The following TMC7 variants were observed in gnomAD, a reference collection of about 807,000 sequenced individuals.
TMC7 encodes transmembrane channel-like protein 7.
TMC7 carries 54 observed loss-of-function variants against 82.9 expected under a neutral mutation model. That is an observed-to-expected ratio of 0.65 (90% CI 0.52 to 0.82). TMC7 has a LOEUF of 0.82. TMC7 is among the 40% of genes least tolerant of loss of function. The pLI is 0.00. For missense variants in TMC7, 820 were observed against 901.2 expected (o/e 0.91, Z 1.15); for synonymous variants, 350 against 337.9 (o/e 1.04, Z -0.39).
intron 1 of TMC7, among the ~76,000 whole-genome samples, chr16:18,993,042 G>C (rs2038979764): frequency 6.6e-6 from 1 of 152,164 alleles, no homozygotes; most frequent in African/African-American, 2.4e-5. Context: ...GATGCCTCCA[G>C]CTTTGTTCTT....
intron 12 of TMC7, among the ~76,000 whole-genome samples, chr16:19,048,124 T>C (rs1961371103): frequency 6.6e-6 from 1 of 151,810 alleles, no homozygotes. Context: ...TTTTATTTGT[T>C]TGGTTTTTTT....
rs1961908320 is a variant in TMC7 at position 19,059,448 on chromosome 16, G to A, written c.2060G>A (p.Gly687Glu). 1 of 1,614,074 alleles carries A rather than the reference G, an allele frequency of 6.2e-7. No individual in the cohort carries two copies. The highest frequency in any genetic ancestry group is 8.5e-7 in the Non-Finnish European group (1 of 1,180,036). The change falls in exon 15 of 16, where the codon GGA becomes GAA. Residue 687 changes from glycine (G) to glutamate (E), a missense_variant. Physicochemically the swap from Gly to Glu is moderately conservative, Grantham distance 98 (BLOSUM62 -2). This residue lies in a region of TMC7 where 170 missense variants were observed against 231.3 expected (regional missense o/e 0.74). Transcript: ENST00000304381. ...ATGTTTTACTTCATTGCCTTAGCTG[G>A]AGCACACAAACGGGTGGTCATCCAG... ...LIMFYFIALAGAHKRVVIQLR... is the reference protein window; with the variant it reads ...LIMFYFIALAEAHKRVVIQLR...
intron 5 of TMC7, among the ~76,000 whole-genome samples, chr16:19,029,039 T>C (rs1305891816): frequency 6.6e-6 from 1 of 151,690 alleles, no homozygotes; most frequent in Non-Finnish European, 1.5e-5. Flanking sequence ...AGAGTCTTGC[T>C]CTGTCACCCA....
chr16:19,030,152 G>A (rs1960442206), intron 5 of TMC7, 72 bp from the exon 6 acceptor site: 1 of 1,485,970 alleles, frequency 6.7e-7, no homozygotes, highest in Non-Finnish European at 9.1e-7. Context: ...TGTTCCTTGA[G>A]GCAGGGACTA....
At chr16:19,007,077 G>A (rs953979490) in intron 1 of TMC7, among the ~76,000 whole-genome samples, 6 of 151,452 alleles carry the variant, frequency 4.0e-5, no homozygotes, top group Non-Finnish European at 5.9e-5. Flanking sequence ...CGCCTGCCTC[G>A]GCCTCCCAAA....
intron 3 of TMC7, among the ~76,000 whole-genome samples, chr16:19,017,667 GTT>G (rs35738895): frequency 0.035 from 3,914 of 111,114 alleles, 153 homozygotes; most frequent in African/African-American, 0.12. Context: ...TCAAAAAACA[GTT>G]TTTTTTTTTT....
chr16:19,001,546 G>A (rs1030253221), intron 1 of TMC7, among the ~76,000 whole-genome samples: 4 of 152,142 alleles, frequency 2.6e-5, no homozygotes, highest in African/African-American at 9.6e-5. Flanking sequence ...ACTGGGTGTA[G>A]TGGTGCACAC....
chr16:19,033,151 C>A (rs1159376309), intron 6 of TMC7, among the ~76,000 whole-genome samples: 1 of 152,094 alleles, frequency 6.6e-6, no homozygotes, highest in Non-Finnish European at 1.5e-5. Flanking sequence ...CCTCTTTGAG[C>A]CTCATTTTCT....
At chr16:19,057,234 G>A (rs1961817439) in intron 14 of TMC7, among the ~76,000 whole-genome samples, 1 of 152,138 alleles carries the variant, frequency 6.6e-6, no homozygotes. Context: ...TTAGCCCAAT[G>A]CCTGGCTTAT....
intron 8 of TMC7, among the ~76,000 whole-genome samples, chr16:19,040,003 C>T (rs908214199): frequency 6.6e-6 from 1 of 150,390 alleles, no homozygotes; most frequent in Non-Finnish European, 1.5e-5. Flanking sequence ...GTAGTCCCAG[C>T]TACTCGGGAG....
intron 9 of TMC7, among the ~76,000 whole-genome samples, chr16:19,041,222 T>C (rs1960998921): frequency 6.6e-6 from 1 of 151,434 alleles, no homozygotes; most frequent in Admixed American, 6.6e-5. Context: ...GAATGCATAG[T>C]GTAATGATCC....
At chr16:19,025,615 G>A (rs115920892) in intron 5 of TMC7, among the ~76,000 whole-genome samples, 1 of 152,002 alleles carries the variant, frequency 6.6e-6, no homozygotes, top group Non-Finnish European at 1.5e-5. Context: ...GGGAGAGTTT[G>A]TCTCAAAACA....
At chr16:18,991,464 C>A (rs1473904076) in intron 1 of TMC7, among the ~76,000 whole-genome samples, 1 of 152,118 alleles carries the variant, frequency 6.6e-6, no homozygotes, top group Non-Finnish European at 1.5e-5. Context: ...AAAAACAACA[C>A]TCTGCATTTA....
At chr16:18,985,266 A>AG (rs1361823129) in intron 1 of TMC7, among the ~76,000 whole-genome samples, 1 of 152,014 alleles carries the variant, frequency 6.6e-6, no homozygotes, top group Non-Finnish European at 1.5e-5. Flanking sequence ...CAAAAAAAAA[A>AG]AAAGAAACCA....
At chr16:19,016,871 C>T (rs995920454) in intron 3 of TMC7, among the ~76,000 whole-genome samples, 1 of 152,052 alleles carries the variant, frequency 6.6e-6, no homozygotes, top group African/African-American at 2.4e-5. Flanking sequence ...ATTAGACTTC[C>T]CACTAGATCT....
In TMC7 at chr16:18,983,983, G is replaced by T; in HGVS notation, c.-81G>T. On this transcript the variant is annotated 5_prime_UTR_variant, in exon 1 of 16. Coordinates refer to ENST00000304381, the MANE Select transcript of TMC7 (RefSeq NM_024847.4). ...CCGGAACCTGGAATCCCGGCTCCGCGAGGGAAGGCCGGGGAGGCGGCGGCG... is the reference window on the plus strand; with the variant it reads ...CCGGAACCTGGAATCCCGGCTCCGCTAGGGAAGGCCGGGGAGGCGGCGGCG... The T allele has an allele frequency of 7.6e-7, 1 of 1,315,398 alleles. No individual in the cohort carries two copies. The highest frequency in any genetic ancestry group is 3.1e-5 in the East Asian group (1 of 32,012). 81.5% of individuals were successfully genotyped at this position (1,315,398 alleles called of 1,614,324 possible). A position where few individuals can be genotyped will look rare whatever the true frequency, so the allele number is the denominator to read the frequency against.
At chr16:19,036,631 A>G (rs1166182823) in intron 7 of TMC7, among the ~76,000 whole-genome samples, 2 of 149,734 alleles carry the variant, frequency 1.3e-5, no homozygotes, top group African/African-American at 2.5e-5. Flanking sequence ...CAAGAGAATC[A>G]ATTGAACCAG....
chr16:18,984,279 A>G, intron 1 of TMC7, 149 bp downstream of exon 1: 1 of 1,336,866 alleles, frequency 7.5e-7, no homozygotes, highest in South Asian at 1.9e-5. Context: ...GCAGGTGGGA[A>G]GGAGATCTTC....
At chr16:19,054,677 T>C (rs2142312092) in intron 13 of TMC7, among the ~76,000 whole-genome samples, 1 of 146,662 alleles carries the variant, frequency 6.8e-6, no homozygotes, top group Admixed American at 6.9e-5. Context: ...ATTGCACCAA[T>C]GCCACTCTAG....
Sources: allele counts gnomAD v4.1 joint callset (sites outside exome capture counted in the v4.1 genomes callset), GRCh38; gene constraint gnomAD v4.1.1; regional missense constraint gnomAD v4.1.1; transcripts MANE v1.5; gene names NCBI Gene and HGNC (gene_info 2026-07-23, HGNC 2026-07-21).